EDAR: variants seen among roughly 807,000 people sequenced by gnomAD.
The protein encoded by EDAR is tumor necrosis factor receptor superfamily member EDAR.
EDAR carries 38 observed loss-of-function variants against 51.3 expected under a neutral mutation model. The observed-to-expected ratio is 0.74, with a 90% CI of 0.57 to 0.97. The LOEUF (loss-of-function observed/expected upper bound fraction) is 0.97. Ranked by LOEUF, EDAR falls within the 50% of genes least tolerant of loss-of-function variation. EDAR has a pLI of 0.00. For synonymous variants in EDAR, 227 were observed against 242.1 expected (o/e 0.94, Z 0.58); for missense variants, 528 against 595.0 (o/e 0.89, Z 1.17).
chr2:108,923,471 G>A lies in EDAR; in HGVS notation c.357-18C>T. 6.2e-7 allele frequency: 1 copy of A among 1,612,040 alleles called. No homozygotes were observed. On this transcript the variant is annotated intron_variant, in intron 4 of 11. Coordinates refer to ENST00000258443, the MANE Select transcript of EDAR (RefSeq NM_022336.4). ...TGTAGTAGCTACGGGGGAGAGACAAGACAAAACAGAGACAGGTGAGCTGGA... is the reference window on the plus strand; with the variant it reads ...TGTAGTAGCTACGGGGGAGAGACAAAACAAAACAGAGACAGGTGAGCTGGA...
chr2:108,970,558 T>G (rs1558839515), intron 1 of EDAR, among the ~76,000 whole-genome samples: 1 of 150,244 alleles, frequency 6.7e-6, no homozygotes. Context: ...GGCAGGGAGG[T>G]GGACAGGATT....
chr2:108,950,299 A>G (rs1697800329), intron 1 of EDAR, among the ~76,000 whole-genome samples: 1 of 143,704 alleles, frequency 7.0e-6, no homozygotes, highest in Admixed American at 7.3e-5. Context: ...TTTTTTTGAC[A>G]GGCGGGTCTC....
At chr2:108,953,478 G>A (rs1257882136) in intron 1 of EDAR, among the ~76,000 whole-genome samples, 1 of 152,098 alleles carries the variant, frequency 6.6e-6, no homozygotes, top group Non-Finnish European at 1.5e-5. Context: ...AATTCCCTCT[G>A]GCTAGGAAGC....
At chr2:108,932,299 C>T (rs966248236) in intron 1 of EDAR, among the ~76,000 whole-genome samples, 2 of 151,888 alleles carry the variant, frequency 1.3e-5, no homozygotes, top group Non-Finnish European at 2.9e-5. Context: ...GAGGCTGAGA[C>T]GGGCGGATCA....
chr2:108,956,934 AC>A (rs941208752), intron 1 of EDAR, among the ~76,000 whole-genome samples: 1 of 152,038 alleles, frequency 6.6e-6, no homozygotes, highest in African/African-American at 2.4e-5. Flanking sequence ...GATTACAGGC[AC>A]CTACCACCAC....
At chr2:108,933,228 G>T (rs183017618) in intron 1 of EDAR, among the ~76,000 whole-genome samples, 1 of 152,330 alleles carries the variant, frequency 6.6e-6, no homozygotes, top group East Asian at 1.9e-4. Context: ...TTCCAGCAAA[G>T]ATTTTTTTGG....
intron 1 of EDAR, among the ~76,000 whole-genome samples, chr2:108,962,694 A>G (rs1293031320): frequency 6.7e-6 from 1 of 150,244 alleles, no homozygotes; most frequent in Non-Finnish European, 1.5e-5. Flanking sequence ...AAAAAAAAAA[A>G]AAAAAAAGAG....
At chr2:108,902,033 T>C (rs1696710153) in intron 11 of EDAR, among the ~76,000 whole-genome samples, 1 of 150,412 alleles carries the variant, frequency 6.6e-6, no homozygotes, top group Non-Finnish European at 1.5e-5. Context: ...AGGTCAGGAG[T>C]TCAAGACCAG....
chr2:108,952,224 T>C (rs1334239804), intron 1 of EDAR, among the ~76,000 whole-genome samples: 2 of 152,112 alleles, frequency 1.3e-5, no homozygotes, highest in Non-Finnish European at 2.9e-5. Context: ...GGTGGGGAGG[T>C]ACAGGTGCTG....
rs41280579 is a variant in EDAR, at chr2:108,897,008, C to T, written c.1246G>A (p.Val416Met). Residue 416 changes from valine (V) to methionine (M), a missense_variant, in exon 12 of 12, where the codon GTG becomes ATG. Transcript: ENST00000258443. ...ACAGCATCCAGCCGCTCAATCTGCA[C>T]CAGTTTTGTGAGTAGCTCAGGGATG... ...YSIPELLTKL[V>M]QIERLDAVES... 6.8e-6 allele frequency: 11 copies of T among 1,614,008 alleles called. No homozygotes were observed. The African/African-American group carries it at 1.5e-4, about 22-fold the overall frequency.
intron 8 of EDAR, 98 bp from the exon 9 acceptor site, chr2:108,910,630 C>T (rs1377445440): frequency 2.1e-6 from 3 of 1,405,108 alleles, no homozygotes; most frequent in African/African-American, 2.8e-5. Flanking sequence ...CAGAGCTGCC[C>T]GGTGTCTGTG....
intron 1 of EDAR, among the ~76,000 whole-genome samples, chr2:108,931,323 C>G (rs1163601292): frequency 1.3e-5 from 2 of 152,198 alleles, no homozygotes; most frequent in Non-Finnish European, 2.9e-5. Context: ...TTCTCGTGCT[C>G]AGAGGGTTTG....
chr2:108,936,841 C>A (rs568035989), intron 1 of EDAR, among the ~76,000 whole-genome samples: 4 of 152,340 alleles, frequency 2.6e-5, no homozygotes, highest in African/African-American at 9.6e-5. Context: ...AGGAGGAAAG[C>A]AGAGAAGGTA....
At chr2:108,900,228 C>G (rs1387309976) in intron 11 of EDAR, among the ~76,000 whole-genome samples, 1 of 152,100 alleles carries the variant, frequency 6.6e-6, no homozygotes, top group African/African-American at 2.4e-5. Flanking sequence ...GACTTAAGCC[C>G]TAACAATGAC....
chr2:108,947,401 C>T (rs1697733637), intron 1 of EDAR, among the ~76,000 whole-genome samples: 2 of 152,196 alleles, frequency 1.3e-5, no homozygotes. Flanking sequence ...GTGCTCGTCT[C>T]ACAGCTCCAC....
At position 108,895,968 on chromosome 2, in the gene EDAR, T is replaced by G. The variant is rs1477464001; in HGVS notation, c.*939A>C. ...TTACAGCTGACTACTCATACATGTT[T>G]GAAGTGAAAACACAGCCTGACACAT... On this transcript the variant is annotated 3_prime_UTR_variant, in exon 12 of 12. Transcript: ENST00000258443. The G allele has an allele frequency of 6.6e-6, 1 of 152,240 alleles. No homozygotes were observed. Among genetic ancestry groups the G allele is most frequent in the African/African-American group, 2.4e-5 (1 of 41,460 alleles). 9.4% of individuals were successfully genotyped at this position (152,240 alleles called of 1,614,324 possible). A position where few individuals can be genotyped will look rare whatever the true frequency, so the allele number is the denominator to read the frequency against.
At chr2:108,932,345 G>C (rs1273659315) in intron 1 of EDAR, among the ~76,000 whole-genome samples, 1 of 151,854 alleles carries the variant, frequency 6.6e-6, no homozygotes, top group Non-Finnish European at 1.5e-5. Flanking sequence ...TGGCTAACAA[G>C]GTGAAACCTC....
intron 4 of EDAR, among the ~76,000 whole-genome samples, chr2:108,926,018 G>A (rs760495391): frequency 7.9e-5 from 12 of 152,180 alleles, no homozygotes; most frequent in South Asian, 2.1e-4. Context: ...AGAAGCCACC[G>A]TTTTCTAGCA....
intron 1 of EDAR, among the ~76,000 whole-genome samples, chr2:108,957,377 C>G (rs368640139): frequency 6.6e-6 from 1 of 152,200 alleles, no homozygotes; most frequent in African/African-American, 2.4e-5. Flanking sequence ...TTTAGGAAGT[C>G]GGGGGCAGGT....
Sources: allele counts gnomAD v4.1 joint callset (sites outside exome capture counted in the v4.1 genomes callset), GRCh38; gene constraint gnomAD v4.1.1; transcripts MANE v1.5; gene names NCBI Gene and HGNC (gene_info 2026-07-23, HGNC 2026-07-21).